Variants in HERC4 observed in about 807,000 individuals in gnomAD.
HERC4 encodes the protein probable E3 ubiquitin-protein ligase HERC4.
Under a neutral mutation model 124.3 loss-of-function variants are expected in HERC4, and 28 were observed. The observed-to-expected ratio is 0.23, with a 90% CI of 0.17 to 0.31. HERC4 has a LOEUF of 0.31. Ranked by LOEUF, HERC4 falls within the 10% of genes least tolerant of loss-of-function variation. The probability of loss-of-function intolerance (pLI) is 1.00; values close to 1 mark genes in which losing one functional copy is unlikely to be tolerated. For synonymous variants in HERC4, 407 were observed against 421.5 expected (o/e 0.97, Z 0.42); for missense variants, 713 against 1,229.3 (o/e 0.58, Z 6.28).
chr10:68,059,660 ATTATATATT>A (rs1252806655), intron 3 of HERC4, among the ~76,000 whole-genome samples: 13 of 77,188 alleles, frequency 1.7e-4, no homozygotes, highest in South Asian at 3.8e-4. Context: ...TATATATCAT[ATTATATATT>A]ATATTATATA....
At chr10:67,949,385 A>G (rs768890048) in intron 19 of HERC4, among the ~76,000 whole-genome samples, 30 of 152,228 alleles carry the variant, frequency 2.0e-4, no homozygotes, top group Admixed American at 3.9e-4. Context: ...CAATTCTCAA[A>G]CTCTTCCAAA....
At chr10:67,929,724 A>G (rs1475699557) in intron 23 of HERC4, among the ~76,000 whole-genome samples, 2 of 152,026 alleles carry the variant, frequency 1.3e-5, no homozygotes, top group Non-Finnish European at 2.9e-5. Context: ...CATGTTGTCC[A>G]GGCTGGTCTT....
intron 16 of HERC4, among the ~76,000 whole-genome samples, chr10:67,964,163 T>C (rs576018801): frequency 6.6e-6 from 1 of 151,066 alleles, no homozygotes; most frequent in African/African-American, 2.4e-5. Context: ...TGTTACTGCT[T>C]CCTTACCTCT....
chr10:67,952,245 G>T (rs969580821), intron 19 of HERC4, among the ~76,000 whole-genome samples: 2 of 152,036 alleles, frequency 1.3e-5, no homozygotes, highest in Non-Finnish European at 2.9e-5. Context: ...AAACCAAAAC[G>T]TGATTAAAAT....
chr10:68,027,838 A>G (rs2038982800), intron 7 of HERC4, among the ~76,000 whole-genome samples: 1 of 151,822 alleles, frequency 6.6e-6, no homozygotes, highest in African/African-American at 2.4e-5. Flanking sequence ...CAGGAGAATC[A>G]CTTGAATCCA....
intron 16 of HERC4, among the ~76,000 whole-genome samples, chr10:67,959,408 C>T (rs1377266470): frequency 2.6e-5 from 4 of 151,950 alleles, no homozygotes; most frequent in Non-Finnish European, 4.4e-5. Context: ...TTAAACACCC[C>T]CATTTGCAGA....
intron 9 of HERC4, among the ~76,000 whole-genome samples, chr10:67,996,349 G>A (rs1255949107): frequency 6.6e-6 from 1 of 152,028 alleles, no homozygotes; most frequent in Non-Finnish European, 1.5e-5. Flanking sequence ...GTCTTGATTA[G>A]TGCACTGTTT....
chr10:67,943,935 A>T (rs1257893381), intron 19 of HERC4, among the ~76,000 whole-genome samples: 1 of 152,232 alleles, frequency 6.6e-6, no homozygotes, highest in African/African-American at 2.4e-5. Flanking sequence ...ACAGTAGAAC[A>T]GAGCACCAGG....
Position 67,990,280 on chromosome 10 carries a change from A to G in HERC4, c.1564T>C (p.Phe522Leu). ...CCAAAGGGAATTGCTATTGTTGTGA[A>G]ATTGTTGGAATCACTCATCAGGGGA... ...ECPLMSDSNN[F>L]TTIAIPFGTA... The change falls in exon 14 of 25, where the codon TTC becomes CTC. Residue 522 changes from phenylalanine to leucine, a missense_variant. Coordinates refer to ENST00000373700, the MANE Select transcript of HERC4 (RefSeq NM_015601.4). 1 of 1,613,040 alleles carries G rather than the reference A, an allele frequency of 6.2e-7. No homozygotes were observed. Among genetic ancestry groups the G allele is most frequent in the Non-Finnish European group, 8.5e-7 (1 of 1,179,438 alleles).
rs75227577 is a variant in HERC4 at position 67,953,809 on chromosome 10, A to G, written c.2337+786T>C. Among the ~76,000 whole-genome samples the G allele has an allele frequency of 4.2e-3, 639 of 152,324 alleles. 5 individuals carry two copies. The highest frequency in any genetic ancestry group is 0.015 in the African/African-American group (610 of 41,570). On this transcript the variant is annotated intron_variant, in intron 19 of 24. Coordinates refer to ENST00000373700, the MANE Select transcript of HERC4 (RefSeq NM_015601.4). ...TGAGGAAATTTCTCTATACAGAAGT[A>G]TCCAAGCTAATAAATGAAAAAGAAA...
At position 68,040,375 on chromosome 10, in the gene HERC4, G is replaced by A. The variant is rs1308797697; in HGVS notation, c.387-2206C>T. 7.4e-6 allele frequency: 7 copies of A among 947,948 alleles called. No homozygotes were observed. The Admixed American group carries it at 4.3e-4, about 59-fold the overall frequency. The allele number at this position is 947,948 out of a possible 1,614,324, so 58.7% of individuals were successfully genotyped here. A position where few individuals can be genotyped will look rare whatever the true frequency, so the allele number is the denominator to read the frequency against. On this transcript the variant is annotated intron_variant, in intron 4 of 24. Coordinates refer to ENST00000373700, the MANE Select transcript of HERC4 (RefSeq NM_015601.4). ...AATGTATTAATACCCTAAAGAATGGGGGATATTGGCTTTGTTTTCTTTGTT... is the reference window on the plus strand; with the variant it reads ...AATGTATTAATACCCTAAAGAATGGAGGATATTGGCTTTGTTTTCTTTGTT...
chr10:67,932,500 A>T, intron 23 of HERC4, 97 bp downstream of exon 23: 1 of 1,015,722 alleles, frequency 9.8e-7, no homozygotes, highest in Non-Finnish European at 1.4e-6. Flanking sequence ...AAATGGTAGT[A>T]ATAAAGTGTA....
chr10:67,942,299 A>G (rs1234134981), intron 19 of HERC4, among the ~76,000 whole-genome samples: 1 of 152,220 alleles, frequency 6.6e-6, no homozygotes, highest in Non-Finnish European at 1.5e-5. Context: ...CTTTTAGCAC[A>G]GTTCTTGAAA....
At chr10:67,983,628 T>TA (rs1258845022) in intron 15 of HERC4, among the ~76,000 whole-genome samples, 1 of 149,108 alleles carries the variant, frequency 6.7e-6, no homozygotes, top group Non-Finnish European at 1.5e-5. Context: ...AAATACAAAA[T>TA]AAAAAAAAAT....
chr10:68,030,876 TTC>T (rs1219814702), intron 7 of HERC4, among the ~76,000 whole-genome samples: 4 of 152,240 alleles, frequency 2.6e-5, no homozygotes, highest in Admixed American at 1.3e-4. Flanking sequence ...TTTCCATTTA[TTC>T]TGTTTTTAAA....
chr10:67,959,329 CTT>C (rs1408290251), intron 16 of HERC4, among the ~76,000 whole-genome samples: 1 of 152,086 alleles, frequency 6.6e-6, no homozygotes, highest in Non-Finnish European at 1.5e-5. Flanking sequence ...AATGTAAGAT[CTT>C]TGTTTCAGGT....
intron 3 of HERC4, among the ~76,000 whole-genome samples, chr10:68,047,463 A>G (rs945492371): frequency 2.0e-5 from 3 of 152,240 alleles, no homozygotes; most frequent in African/African-American, 7.2e-5. Context: ...AACATTTGCA[A>G]AAGATACAGC....
chr10:67,934,614 T>A (rs2032164143), intron 22 of HERC4, among the ~76,000 whole-genome samples: 1 of 151,082 alleles, frequency 6.6e-6, no homozygotes, highest in Admixed American at 6.6e-5. Context: ...AGAAGTAAAC[T>A]CTCTGAGACT....
At chr10:68,040,945 G>C (rs1302465827) in intron 4 of HERC4, among the ~76,000 whole-genome samples, 2 of 151,034 alleles carry the variant, frequency 1.3e-5, no homozygotes, top group Non-Finnish European at 3.0e-5. Context: ...AATAAATTTT[G>C]TAAATTAAAA....
Sources: gnomAD v4.1 joint callset for allele counts (sites outside exome capture counted in the v4.1 genomes callset) on GRCh38, gnomAD v4.1.1 for gene constraint, MANE v1.5 for transcripts, NCBI Gene and HGNC (gene_info 2026-07-23, HGNC 2026-07-21) for gene names.